The following RORA variants were observed in gnomAD, a reference collection of about 807,000 sequenced individuals.
The protein encoded by RORA is nuclear receptor ROR-alpha.
RORA carries 7 observed loss-of-function variants against 69.5 expected under a neutral mutation model. That is an observed-to-expected ratio of 0.10 (90% CI 0.06 to 0.19). The LOEUF (loss-of-function observed/expected upper bound fraction) is 0.19. RORA is among the 10% of genes least tolerant of loss of function. RORA has a pLI of 1.00. For synonymous variants in RORA, 261 were observed against 240.8 expected (o/e 1.08, Z -0.78); for missense variants, 457 against 663.0 (o/e 0.69, Z 3.41).
rs749703183 is a variant in RORA, at chr15:60,704,639, C to T, written c.167-25953G>A. Among the ~76,000 whole-genome samples, 6 of 152,194 alleles carry T rather than the reference C, an allele frequency of 3.9e-5. No homozygotes were observed. The South Asian group carries it at 1.2e-3, about 32-fold the overall frequency. ...TAAAATAAAAGCTTGAAAAAGATGA[C>T]CAGGAATGCCATAGAAAGAACGTAG... On this transcript the variant is annotated intron_variant, in intron 1 of 10. Transcript: ENST00000335670.
At chr15:60,856,369 C>T (rs2073380219) in intron 1 of RORA, among the ~76,000 whole-genome samples, 1 of 152,190 alleles carries the variant, frequency 6.6e-6, no homozygotes, top group Non-Finnish European at 1.5e-5. Context: ...GTTCACCTTT[C>T]CAGGTCTCTT....
At chr15:61,172,142 A>G (rs2079590835) in intron 1 of RORA, among the ~76,000 whole-genome samples, 2 of 151,972 alleles carry the variant, frequency 1.3e-5, no homozygotes, top group African/African-American at 4.8e-5. Context: ...TGAAGAAACA[A>G]AAAAAAATGG....
At chr15:60,891,352 G>A (rs1314511139) in intron 1 of RORA, among the ~76,000 whole-genome samples, 1 of 152,204 alleles carries the variant, frequency 6.6e-6, no homozygotes, top group Non-Finnish European at 1.5e-5. Context: ...AAAGGACAGT[G>A]AAGAGTCAGA....
chr15:61,217,174 T>C (rs576965663), intron 1 of RORA, among the ~76,000 whole-genome samples: 142 of 152,276 alleles, frequency 9.3e-4, no homozygotes, highest in African/African-American at 3.3e-3. Context: ...TCTGCATGCT[T>C]AATGGGCACC....
intron 2 of RORA, among the ~76,000 whole-genome samples, chr15:60,620,131 T>A (rs184847037): frequency 1.7e-3 from 263 of 152,356 alleles, no homozygotes; most frequent in Admixed American, 1.6e-3. Flanking sequence ...GGAATCTACT[T>A]TAGACTTCTT....
At chr15:60,693,244 C>A (rs1033242435) in intron 1 of RORA, among the ~76,000 whole-genome samples, 6 of 152,194 alleles carry the variant, frequency 3.9e-5, no homozygotes, top group Non-Finnish European at 7.3e-5. Flanking sequence ...CAATAAAAGT[C>A]AACATCCCTT....
At chr15:60,721,010 A>G (rs571931163) in intron 1 of RORA, among the ~76,000 whole-genome samples, 62 of 152,194 alleles carry the variant, frequency 4.1e-4, no homozygotes, top group Non-Finnish European at 7.8e-4. Context: ...CTCCCCGCAC[A>G]CTGTTTTCCC....
Position 60,967,035 on chromosome 15 carries a change from A to G in RORA, c.166+262018T>C, listed in dbSNP as rs1206210946. ...AGTGCATTACCCAAAATGATTATCC[A>G]TGAGTCCAACTGGGACCAACTCCCT... On this transcript the variant is annotated intron_variant, in intron 1 of 10. Transcript: ENST00000335670. 2.0e-5 allele frequency among the ~76,000 whole-genome samples: 3 copies of G among 152,348 alleles called. No homozygotes were observed. In the East Asian group the frequency reaches 5.8e-4, roughly 29 times the overall value.
At chr15:61,125,612 T>TTA (rs1868677254) in intron 1 of RORA, among the ~76,000 whole-genome samples, 1 of 152,224 alleles carries the variant, frequency 6.6e-6, no homozygotes, top group Admixed American at 6.5e-5. Context: ...AGTAACTTTA[T>TTA]TATACCATTT....
intron 1 of RORA, among the ~76,000 whole-genome samples, chr15:61,130,098 T>C (rs910255583): frequency 6.6e-6 from 1 of 152,232 alleles, no homozygotes; most frequent in Non-Finnish European, 1.5e-5. Context: ...GAAGGAGAGA[T>C]GACAGTATCA....
intron 1 of RORA, among the ~76,000 whole-genome samples, chr15:60,983,071 C>T (rs1338668714): frequency 6.6e-6 from 1 of 152,058 alleles, no homozygotes; most frequent in Non-Finnish European, 1.5e-5. Flanking sequence ...ATTCTTAGTG[C>T]CACCCCCTAC....
At chr15:60,963,410 G>T (rs1156962880) in intron 1 of RORA, among the ~76,000 whole-genome samples, 1 of 152,228 alleles carries the variant, frequency 6.6e-6, no homozygotes, top group African/African-American at 2.4e-5. Context: ...GGAGGTGGAT[G>T]ATGGAAGCAA....
At chr15:61,228,467 C>A (rs1264059905) in intron 1 of RORA, among the ~76,000 whole-genome samples, 1 of 151,994 alleles carries the variant, frequency 6.6e-6, no homozygotes, top group South Asian at 2.1e-4. Context: ...GTGTCCACGT[C>A]GCCCCCAGAC....
intron 2 of RORA, among the ~76,000 whole-genome samples, chr15:60,603,933 G>A (rs970535975): frequency 5.9e-5 from 9 of 152,010 alleles, no homozygotes; most frequent in Admixed American, 5.2e-4. Flanking sequence ...TCGGGAGTTT[G>A]AGACCAGCCC....
At chr15:60,503,700 A>C in intron 6 of RORA, 33 bp from the exon 7 acceptor site, 2 of 1,610,430 alleles carry the variant, frequency 1.2e-6, no homozygotes, top group Non-Finnish European at 1.7e-6. Context: ...AACATCCTCC[A>C]GGAAGATGTT....
intron 1 of RORA, among the ~76,000 whole-genome samples, chr15:60,980,334 T>C (rs1894008485): frequency 6.6e-6 from 1 of 152,180 alleles, no homozygotes; most frequent in East Asian, 1.9e-4. Flanking sequence ...TATTAGCCTG[T>C]AGCTTTCCTT....
intron 1 of RORA, among the ~76,000 whole-genome samples, chr15:60,945,267 T>C (rs946197880): frequency 6.6e-6 from 1 of 152,144 alleles, no homozygotes; most frequent in African/African-American, 2.4e-5. Context: ...AAGGAAAATA[T>C]GTATTCCACG....
chr15:60,929,811 G>A (rs922220122), intron 1 of RORA, among the ~76,000 whole-genome samples: 1 of 152,090 alleles, frequency 6.6e-6, no homozygotes, highest in African/African-American at 2.4e-5. Context: ...CTGATTCCCA[G>A]GCCTCCCCTC....
At chr15:60,740,860 C>T (rs1417145861) in intron 1 of RORA, among the ~76,000 whole-genome samples, 1 of 152,180 alleles carries the variant, frequency 6.6e-6, no homozygotes, top group Non-Finnish European at 1.5e-5. Context: ...AATCCTGTTG[C>T]TACCAATAGA....
Sources: gnomAD v4.1 joint callset for allele counts (sites outside exome capture counted in the v4.1 genomes callset) on GRCh38, gnomAD v4.1.1 for gene constraint, MANE v1.5 for transcripts, NCBI Gene and HGNC (gene_info 2026-07-23, HGNC 2026-07-21) for gene names.